NEBL: variants seen among roughly 807,000 people sequenced by gnomAD.
NEBL encodes the protein LIM and SH3 protein 2.
NEBL carries 122 observed loss-of-function variants against 140.2 expected under a neutral mutation model. That is an observed-to-expected ratio of 0.87 (90% CI 0.75 to 1.01). NEBL has a LOEUF of 1.01. Among genes scored for constraint, NEBL ranks in the 50% least tolerant of loss-of-function variants. The pLI, the probability that NEBL is intolerant of heterozygous loss-of-function variation, is 0.00. For missense variants in NEBL, 1,365 were observed against 1,231.3 expected, an observed-to-expected ratio of 1.11 and a Z score of -1.62; for synonymous variants, 436 against 398.9, an observed-to-expected ratio of 1.09 and a Z score of -1.11.
At chr10:20,828,960 G>T (rs1019364937) in intron 16 of NEBL, among the ~76,000 whole-genome samples, 1 of 152,154 alleles carries the variant, frequency 6.6e-6, no homozygotes, top group African/African-American at 2.4e-5. Flanking sequence ...GAGCTACTAT[G>T]AGCTCTAATA....
chr10:21,167,254 A>C (rs532393181), intron 2 of NEBL, among the ~76,000 whole-genome samples: 61 of 152,352 alleles, frequency 4.0e-4, no homozygotes, highest in Non-Finnish European at 6.5e-4. Context: ...AAACCATGTT[A>C]AGTGAAACTC....
At chr10:21,157,414 C>T (rs1234537354) in intron 2 of NEBL, among the ~76,000 whole-genome samples, 2 of 151,854 alleles carry the variant, frequency 1.3e-5, no homozygotes, top group African/African-American at 4.8e-5. Flanking sequence ...ACCAAAAATA[C>T]AAAAAATTAG....
At chr10:21,157,552 C>T (rs1181485890) in intron 2 of NEBL, among the ~76,000 whole-genome samples, 1 of 152,070 alleles carries the variant, frequency 6.6e-6, no homozygotes, top group Non-Finnish European at 1.5e-5. Flanking sequence ...GCCTGGGTGA[C>T]AGAGCAAGAT....
In NEBL at chr10:20,782,590, C is replaced by T. The variant is rs1227240903; in HGVS notation, c.*3157G>A. The T allele has an allele frequency of 6.6e-6, 1 of 152,208 alleles. No homozygotes were observed. The highest frequency in any genetic ancestry group is 6.5e-5 in the Admixed American group (1 of 15,276). 9.4% of individuals were successfully genotyped at this position (152,208 alleles called of 1,614,324 possible). On this transcript the variant is annotated 3_prime_UTR_variant, in exon 28 of 28. Transcript: ENST00000377122. Reference sequence around the variant, plus strand: ...TTCTTCAAGAAATAAACCCAGTGGACAGAGAGGGGCTGGTCTAATCTTATC... The same window carrying T: ...TTCTTCAAGAAATAAACCCAGTGGATAGAGAGGGGCTGGTCTAATCTTATC...
chr10:20,951,094 ACC>A (rs1406787992), intron 4 of NEBL, among the ~76,000 whole-genome samples: 1 of 152,182 alleles, frequency 6.6e-6, no homozygotes, highest in Non-Finnish European at 1.5e-5. Flanking sequence ...ATATAGGCAA[ACC>A]TTATCTCTAT....
chr10:21,010,165 A>G (rs1157152004), intron 3 of NEBL, among the ~76,000 whole-genome samples: 2 of 152,204 alleles, frequency 1.3e-5, no homozygotes, highest in African/African-American at 2.4e-5. Flanking sequence ...ATTGCTTTAG[A>G]TCAGCTCCTC....
At chr10:20,853,903 C>T (rs772400824) in intron 9 of NEBL, among the ~76,000 whole-genome samples, 5 of 152,096 alleles carry the variant, frequency 3.3e-5, no homozygotes, top group Non-Finnish European at 5.9e-5. Context: ...ATGTTCCTAA[C>T]AGAAAGAAAC....
chr10:21,046,192 A>T (rs1428164402), intron 2 of NEBL, among the ~76,000 whole-genome samples: 1 of 152,212 alleles, frequency 6.6e-6, no homozygotes, highest in Non-Finnish European at 1.5e-5. Flanking sequence ...AACTCATAGA[A>T]ACAAAGCAGA....
chr10:20,803,812 A>AAT (rs773980585), intron 26 of NEBL, among the ~76,000 whole-genome samples: 4,606 of 143,416 alleles, frequency 0.032, 70 homozygotes, highest in African/African-American at 0.045. Flanking sequence ...CTGTACGAAA[A>AAT]ATATATATAT....
intron 2 of NEBL, among the ~76,000 whole-genome samples, chr10:21,147,401 T>G (rs1421353933): frequency 1.3e-5 from 2 of 151,558 alleles, no homozygotes; most frequent in East Asian, 1.9e-4. Context: ...CTCCGGTTTT[T>G]TTTTTTTTTT....
chr10:21,051,731 T>C (rs1374920690), intron 2 of NEBL, among the ~76,000 whole-genome samples: 1 of 152,242 alleles, frequency 6.6e-6, no homozygotes, highest in African/African-American at 2.4e-5. Context: ...GATAATTTTC[T>C]TAAATGTCCT....
intron 3 of NEBL, among the ~76,000 whole-genome samples, chr10:21,180,184 C>G (rs1027841751): frequency 3.9e-5 from 6 of 151,926 alleles, no homozygotes; most frequent in African/African-American, 1.4e-4. Context: ...GATTATCTCC[C>G]CGAGCCTCCT....
chr10:21,240,649 T>C (rs1176916876), intron 3 of NEBL, among the ~76,000 whole-genome samples: 1 of 152,190 alleles, frequency 6.6e-6, no homozygotes, highest in Non-Finnish European at 1.5e-5. Flanking sequence ...ATTAGATGTG[T>C]GAAATATAAA....
intron 2 of NEBL, chr10:21,112,869 A>G: frequency 3.3e-6 from 1 of 305,882 alleles, no homozygotes; most frequent in South Asian, 3.9e-5. Context: ...ACATATTCAT[A>G]GACAGTATTT....
intron 2 of NEBL, among the ~76,000 whole-genome samples, chr10:21,024,926 G>C (rs538084436): frequency 1.3e-5 from 2 of 152,142 alleles, no homozygotes; most frequent in Non-Finnish European, 2.9e-5. Context: ...AACACGAATC[G>C]GTAGCACCAT....
intron 3 of NEBL, among the ~76,000 whole-genome samples, chr10:21,241,395 C>T (rs746425816): frequency 2.0e-4 from 31 of 152,088 alleles, no homozygotes; most frequent in Non-Finnish European, 3.2e-4. Flanking sequence ...CCGTTCCAGG[C>T]GGCGCATCTG....
At chr10:20,929,073 T>A (rs1224295706) in intron 4 of NEBL, among the ~76,000 whole-genome samples, 1 of 151,992 alleles carries the variant, frequency 6.6e-6, no homozygotes, top group Non-Finnish European at 1.5e-5. Flanking sequence ...TTGAGAAACC[T>A]CCATACCTAC....
upstream of NEBL, among the ~76,000 whole-genome samples, chr10:20,900,405 C>T (rs1008283077): frequency 2.0e-5 from 3 of 152,168 alleles, no homozygotes; most frequent in Non-Finnish European, 2.9e-5. Context: ...TGGCTGGGTG[C>T]GCAGTGGCAC....
In NEBL at chr10:20,823,105, A is replaced by G. The variant is rs191556758; in HGVS notation, c.1962+103T>C. On this transcript the variant is annotated intron_variant, in intron 19 of 27. Coordinates refer to ENST00000377122, the MANE Select transcript of NEBL (RefSeq NM_006393.3). Reference sequence around the variant, plus strand: ...CTTTTAAGGAACCGATCCTCTCGCAATGAGGTTCATTGTGATGGCATTTGA... The same window carrying G: ...CTTTTAAGGAACCGATCCTCTCGCAGTGAGGTTCATTGTGATGGCATTTGA... The G allele has an allele frequency of 2.3e-3, 1,955 of 837,366 alleles. 9 individuals carry two copies. Among genetic ancestry groups the G allele is most frequent in the Middle Eastern group, 8.1e-3 (23 of 2,832 alleles). 51.9% of individuals were successfully genotyped at this position (837,366 alleles called of 1,614,324 possible). A position where few individuals can be genotyped will look rare whatever the true frequency, so the allele number is the denominator to read the frequency against.
Sources: gnomAD v4.1 joint callset for allele counts (sites outside exome capture counted in the v4.1 genomes callset) on GRCh38, gnomAD v4.1.1 for gene constraint, MANE v1.5 for transcripts, NCBI Gene and HGNC (gene_info 2026-07-23, HGNC 2026-07-21) for gene names.